Variants in FAM168A observed in about 807,000 individuals in gnomAD.
FAM168A encodes the protein protein FAM168A.
A neutral mutation model predicts 28.5 loss-of-function variants in FAM168A; 3 were observed. That is an observed-to-expected ratio of 0.11 (90% CI 0.05 to 0.27). FAM168A has a LOEUF of 0.27. Among genes scored for constraint, FAM168A ranks in the 10% least tolerant of loss-of-function variants. The pLI is 1.00. For missense variants in FAM168A, 222 were observed against 311.5 expected (o/e 0.71, Z 2.16); for synonymous variants, 122 against 124.2 (o/e 0.98, Z 0.12).
At chr11:73,513,943 G>A (rs868685377) in intron 1 of FAM168A, among the ~76,000 whole-genome samples, 2 of 152,198 alleles carry the variant, frequency 1.3e-5, no homozygotes, top group South Asian at 4.2e-4. Context: ...TAGCACTTAG[G>A]GAGGCCGAGG....
intron 1 of FAM168A, among the ~76,000 whole-genome samples, chr11:73,504,491 A>C (rs775567882): frequency 2.6e-5 from 4 of 152,246 alleles, no homozygotes; most frequent in Non-Finnish European, 4.4e-5. Flanking sequence ...GTTATTAAAA[A>C]GTCAGGAAAC....
chr11:73,473,761 C>T (rs1225308715), intron 1 of FAM168A, among the ~76,000 whole-genome samples: 1 of 152,010 alleles, frequency 6.6e-6, no homozygotes, highest in African/African-American at 2.4e-5. Flanking sequence ...CCTTAACCAA[C>T]TTATCTAAAA....
intron 1 of FAM168A, among the ~76,000 whole-genome samples, chr11:73,522,975 T>C (rs1029314135): frequency 5.3e-5 from 8 of 151,902 alleles, no homozygotes; most frequent in African/African-American, 1.2e-4. Flanking sequence ...ATAACACCAC[T>C]GAACTCCAGC....
chr11:73,428,737 G>A (rs12274281), intron 3 of FAM168A, among the ~76,000 whole-genome samples: 4,512 of 152,218 alleles, frequency 0.03, 219 homozygotes, highest in African/African-American at 0.1. Flanking sequence ...ATAGATCTTA[G>A]GGAAAATATT....
rs1323426981 is a variant in FAM168A at position 73,402,341 on chromosome 11, G to A, written c.*4422C>T. 6.6e-6 allele frequency: 1 copy of A among 152,274 alleles called. No homozygotes were observed. The highest frequency in any genetic ancestry group is 1.5e-5 in the Non-Finnish European group (1 of 68,062). The allele number at this position is 152,274 out of a possible 1,614,324, so 9.4% of individuals were successfully genotyped here. On this transcript the variant is annotated 3_prime_UTR_variant, in exon 8 of 8. Coordinates refer to ENST00000356467, the MANE Select transcript of FAM168A (RefSeq NM_015159.3). ...ATATGGAAGCTCTGAGCCTCGCTTA[G>A]TCAGTGCCTCGCTGGGAACCTGGAT...
intron 1 of FAM168A, among the ~76,000 whole-genome samples, chr11:73,473,506 AT>A (rs1323682141): frequency 2.0e-5 from 3 of 152,182 alleles, no homozygotes; most frequent in Non-Finnish European, 2.9e-5. Context: ...TTATAACTAT[AT>A]GATATGGCCT....
chr11:73,524,137 G>A (rs1943420290), intron 1 of FAM168A, among the ~76,000 whole-genome samples: 1 of 151,980 alleles, frequency 6.6e-6, no homozygotes, highest in Admixed American at 6.6e-5. Context: ...TTCCAATACT[G>A]CTTTTGAGAA....
chr11:73,549,744 T>C (rs139887588), intron 1 of FAM168A, among the ~76,000 whole-genome samples: 29 of 152,340 alleles, frequency 1.9e-4, no homozygotes, highest in Admixed American at 3.3e-4. Flanking sequence ...ACATTCAATG[T>C]CCCTTACAGG....
chr11:73,551,315 T>C (rs1355970486), intron 1 of FAM168A, among the ~76,000 whole-genome samples: 1 of 152,014 alleles, frequency 6.6e-6, no homozygotes, highest in Non-Finnish European at 1.5e-5. Context: ...TTGGTGGAGG[T>C]GAGACAGTAG....
At chr11:73,548,736 G>A (rs145904854) in intron 1 of FAM168A, among the ~76,000 whole-genome samples, 1 of 152,216 alleles carries the variant, frequency 6.6e-6, no homozygotes, top group Non-Finnish European at 1.5e-5. Context: ...GACTTCCTGG[G>A]CTCAAGTGAT....
chr11:73,460,637 A>G (rs1044388130), intron 2 of FAM168A, among the ~76,000 whole-genome samples: 2 of 151,078 alleles, frequency 1.3e-5, no homozygotes, highest in Non-Finnish European at 2.9e-5. Flanking sequence ...CCCAGTAGCT[A>G]GGACTACAGG....
rs529909458 is a variant in FAM168A, at chr11:73,513,800, C to G, written c.-18-45308G>C. Among the ~76,000 whole-genome samples the G allele has an allele frequency of 6.0e-4, 92 of 152,212 alleles. No homozygotes were observed. The Middle Eastern group carries it at 0.014, about 23-fold the overall frequency. On this transcript the variant is annotated intron_variant, in intron 1 of 7. Transcript: ENST00000356467. ...CTGTCTAATATAACAAAAAACAAAC[C>G]CAGAATATGTGAATTCAAATCTGTA...
intron 1 of FAM168A, among the ~76,000 whole-genome samples, chr11:73,576,667 C>A (rs1468712536): frequency 6.6e-6 from 1 of 152,174 alleles, no homozygotes; most frequent in African/African-American, 2.4e-5. Flanking sequence ...AAGATCCTGA[C>A]AACTTTACAA....
intron 1 of FAM168A, among the ~76,000 whole-genome samples, chr11:73,524,855 C>T (rs1943430320): frequency 6.6e-6 from 1 of 152,166 alleles, no homozygotes; most frequent in East Asian, 1.9e-4. Context: ...CTGCCTCGGC[C>T]TCACAAAGTG....
chr11:73,554,733 T>A (rs182692409), intron 1 of FAM168A, among the ~76,000 whole-genome samples: 1 of 152,216 alleles, frequency 6.6e-6, no homozygotes. Context: ...CTACTGAGAA[T>A]TGACACAAAT....
At chr11:73,425,846 A>T (rs1162446663) in intron 3 of FAM168A, among the ~76,000 whole-genome samples, 1 of 152,200 alleles carries the variant, frequency 6.6e-6, no homozygotes, top group Non-Finnish European at 1.5e-5. Context: ...TTGCCCTCCC[A>T]AATCTACTGG....
intron 2 of FAM168A, among the ~76,000 whole-genome samples, chr11:73,451,411 AT>A (rs1003239602): frequency 6.6e-6 from 1 of 152,198 alleles, no homozygotes; most frequent in African/African-American, 2.4e-5. Context: ...TCAGTCCTTT[AT>A]TCACTCAACT....
chr11:73,514,227 C>G (rs1269916599), intron 1 of FAM168A, among the ~76,000 whole-genome samples: 1 of 151,810 alleles, frequency 6.6e-6, no homozygotes, highest in Non-Finnish European at 1.5e-5. Context: ...GTGAGACCCT[C>G]TCTCAAAAAA....
intron 1 of FAM168A, among the ~76,000 whole-genome samples, chr11:73,538,528 A>G (rs946270596): frequency 1.3e-5 from 2 of 152,174 alleles, no homozygotes; most frequent in Non-Finnish European, 1.5e-5. Context: ...TCAGGCACAC[A>G]TCACAAATGA....
Sources: gnomAD v4.1 joint callset for allele counts (sites outside exome capture counted in the v4.1 genomes callset) on GRCh38, gnomAD v4.1.1 for gene constraint, MANE v1.5 for transcripts, NCBI Gene and HGNC (gene_info 2026-07-23, HGNC 2026-07-21) for gene names.